MRGPRF: variants seen among roughly 807,000 people sequenced by gnomAD.
MRGPRF encodes mas-related G protein-coupled receptor member F.
Under a neutral mutation model 3.3 loss-of-function variants are expected in MRGPRF, and 2 were observed. That is an observed-to-expected ratio of 0.61 (90% CI 0.25 to 1.92). MRGPRF has a LOEUF of 1.92. Among genes scored for constraint, MRGPRF ranks in the 40% most tolerant of loss-of-function variants. The probability of loss-of-function intolerance (pLI) is 0.16; values close to 1 mark genes in which losing one functional copy is unlikely to be tolerated. For synonymous variants in MRGPRF, 242 were observed against 222.7 expected (o/e 1.09, Z -0.77); for missense variants, 500 against 476.0 (o/e 1.05, Z -0.47).
At chr11:69,009,510 T>C in intron 2 of MRGPRF, 1 of 583,102 alleles carries the variant, frequency 1.7e-6, no homozygotes, top group Non-Finnish European at 3.1e-6. Context: ...CAGGGCTTCC[T>C]GGCCCGCCTG....
Position 69,006,012 on chromosome 11 carries a change from A to T in MRGPRF, c.298T>A (p.Ser100Thr). The T allele has an allele frequency of 6.4e-7, 1 of 1,570,158 alleles. No homozygotes were observed. The highest frequency in any genetic ancestry group is 8.6e-7 in the Non-Finnish European group (1 of 1,157,278). Residue 100 changes from serine (S) to threonine (T), a missense_variant, in exon 3 of 3, where the codon TCC becomes ACC. Physicochemically the swap from Ser to Thr is moderately conservative, Grantham distance 58. Transcript: ENST00000309099. ...VGYLFSKAVFSILNTGGFLGT... is the reference protein window; with the variant it reads ...VGYLFSKAVFTILNTGGFLGT... ...AGGAAGCCCCCCGTGTTCAGGATGG[A>T]GAACACCGCCTTGCTGAAGAGGTAG...
intron 1 of MRGPRF, among the ~76,000 whole-genome samples, chr11:69,011,604 G>A (rs186759691): frequency 2.0e-5 from 3 of 152,154 alleles, no homozygotes; most frequent in Non-Finnish European, 2.9e-5. Flanking sequence ...ACTTCTCCAC[G>A]CTCTGGGGCC....
intron 1 of MRGPRF, among the ~76,000 whole-genome samples, chr11:69,012,813 C>A (rs986957766): frequency 1.3e-5 from 2 of 152,106 alleles, no homozygotes; most frequent in Non-Finnish European, 2.9e-5. Flanking sequence ...CAGGTCCTGC[C>A]ACGGGAGGGG....
chr11:69,011,012 G>GCC (rs1297765482), intron 1 of MRGPRF, among the ~76,000 whole-genome samples: 1 of 152,154 alleles, frequency 6.6e-6, no homozygotes, highest in African/African-American at 2.4e-5. Flanking sequence ...GCTGGGCACA[G>GCC]CCCAGGTCGC....
intron 1 of MRGPRF, chr11:69,012,339 T>C (rs1350135618): frequency 6.6e-6 from 1 of 152,166 alleles, no homozygotes; most frequent in South Asian, 2.1e-4. Flanking sequence ...TCCCAGCCCC[T>C]CTCCTTAGCC....
chr11:69,007,427 C>G (rs962355901), intron 2 of MRGPRF, among the ~76,000 whole-genome samples: 6 of 152,170 alleles, frequency 3.9e-5, no homozygotes, highest in African/African-American at 1.4e-4. Flanking sequence ...GGACTGGTCT[C>G]GATCTCTTGA....
intron 1 of MRGPRF, among the ~76,000 whole-genome samples, chr11:69,010,349 C>G (rs1860569927): frequency 3.3e-5 from 5 of 152,256 alleles, no homozygotes. Flanking sequence ...AGCAATCGGT[C>G]CCAGAAGGAG....
intron 2 of MRGPRF, among the ~76,000 whole-genome samples, chr11:69,006,895 G>C (rs1860503282): frequency 6.6e-6 from 1 of 152,182 alleles, no homozygotes; most frequent in Admixed American, 6.5e-5. Context: ...TGGGATTATA[G>C]ACGTGAGTCA....
At position 69,004,967 on chromosome 11, in the gene MRGPRF, C is replaced by T. The variant is rs1860437433; in HGVS notation, c.*311G>A. 9.2e-6 allele frequency: 3 copies of T among 326,700 alleles called. No homozygotes were observed. The Admixed American group carries it at 1.4e-4, about 15-fold the overall frequency. The allele number at this position is 326,700 out of a possible 1,614,324, so 20.2% of individuals were successfully genotyped here. A position where few individuals can be genotyped will look rare whatever the true frequency, so the allele number is the denominator to read the frequency against. ...CAGAGGTGGCTAGGCTGGGTGTTGA[C>T]CTCCTCTCTTTTACCAACCAGCCTA... On this transcript the variant is annotated 3_prime_UTR_variant, in exon 3 of 3. Transcript: ENST00000309099.
intron 1 of MRGPRF, among the ~76,000 whole-genome samples, chr11:69,011,103 G>C (rs1012847981): frequency 3.3e-5 from 5 of 152,042 alleles, no homozygotes; most frequent in African/African-American, 9.7e-5. Context: ...TTTCCTCTGC[G>C]CCGCGCGGGT....
chr11:69,006,280 G>C lies in MRGPRF; in HGVS notation c.49-19C>G, dbSNP rs1566470294. 6.3e-7 allele frequency: 1 copy of C among 1,582,130 alleles called. No homozygotes were observed. The highest frequency in any genetic ancestry group is 8.6e-7 in the Non-Finnish European group (1 of 1,165,336). On this transcript the variant is annotated intron_variant, in intron 2 of 2. Transcript: ENST00000309099. ...GGCACATCTGCGCAGGTGCAGAGAG[G>C]GACACCTGTGATGCCGGCTGGCCCC...
At chr11:69,009,667 G>A (rs1207898661) in intron 2 of MRGPRF, 187 bp downstream of exon 2, 1 of 719,604 alleles carries the variant, frequency 1.4e-6, no homozygotes, top group Non-Finnish European at 2.5e-6. Context: ...GAGGACAGGA[G>A]GGTAGGAGGG....
rs1204087615 is a variant in MRGPRF, at chr11:69,013,120, G to A, written c.-94C>T. ...TGATCCGCCGAGGCCTCCTTTTGTG[G>A]AGGGCTCTTCCTGTGACTCCCGCCT... On this transcript the variant is annotated 5_prime_UTR_variant, in exon 1 of 3. Coordinates refer to ENST00000309099, the MANE Select transcript of MRGPRF (RefSeq NM_145015.5). The A allele has an allele frequency of 6.6e-6, 1 of 152,356 alleles. No individual in the cohort carries two copies. Among genetic ancestry groups the A allele is most frequent in the African/African-American group, 2.4e-5 (1 of 41,436 alleles). 9.4% of individuals were successfully genotyped at this position (152,356 alleles called of 1,614,324 possible). A position where few individuals can be genotyped will look rare whatever the true frequency, so the allele number is the denominator to read the frequency against.
chr11:69,009,033 C>T (rs965681979), intron 2 of MRGPRF, among the ~76,000 whole-genome samples: 10 of 152,188 alleles, frequency 6.6e-5, no homozygotes, highest in African/African-American at 2.2e-4. Context: ...CTGCAGACTG[C>T]CTCACCCCAC....
intron 1 of MRGPRF, chr11:69,012,412 A>T (rs1470276088): frequency 6.6e-6 from 1 of 151,770 alleles, no homozygotes. Flanking sequence ...TGTTTTCCTC[A>T]CTCCGGGTCT....
intron 1 of MRGPRF, chr11:69,012,239 T>G (rs1183383936): frequency 6.6e-6 from 1 of 152,378 alleles, no homozygotes; most frequent in Non-Finnish European, 1.5e-5. Flanking sequence ...CCTGGCCACC[T>G]GTCAGCCTCC....
rs1860443944 is a variant in MRGPRF, at chr11:69,005,188, A to G, written c.*90T>C. ...AGGAAACAGATCTTTCTTCTCCTGTATGGACTCAGAAGCAGGTGCCCATTC... is the reference window on the plus strand; with the variant it reads ...AGGAAACAGATCTTTCTTCTCCTGTGTGGACTCAGAAGCAGGTGCCCATTC... On this transcript the variant is annotated 3_prime_UTR_variant, in exon 3 of 3. Coordinates refer to ENST00000309099, the MANE Select transcript of MRGPRF (RefSeq NM_145015.5). 2.2e-6 allele frequency: 3 copies of G among 1,386,822 alleles called. No homozygotes were observed. The highest frequency in any genetic ancestry group is 3.0e-5 in the South Asian group (2 of 66,674). The allele number at this position is 1,386,822 out of a possible 1,614,324, so 85.9% of individuals were successfully genotyped here. A position where few individuals can be genotyped will look rare whatever the true frequency, so the allele number is the denominator to read the frequency against.
chr11:69,011,144 G>A (rs1215795683), intron 1 of MRGPRF, among the ~76,000 whole-genome samples: 1 of 152,026 alleles, frequency 6.6e-6, no homozygotes, highest in Non-Finnish European at 1.5e-5. Flanking sequence ...ACGTGCCCCC[G>A]CCCGCCGCGC....
intron 2 of MRGPRF, 91 bp downstream of exon 2, chr11:69,009,763 G>A (rs767723520): frequency 2.1e-6 from 3 of 1,453,402 alleles, no homozygotes; most frequent in Non-Finnish European, 2.9e-6. Flanking sequence ...GCCAGGAAGG[G>A]GGGGATGGGG....
Sources: allele counts gnomAD v4.1 joint callset (sites outside exome capture counted in the v4.1 genomes callset), GRCh38; gene constraint gnomAD v4.1.1; transcripts MANE v1.5; gene names NCBI Gene and HGNC (gene_info 2026-07-23, HGNC 2026-07-21).